The following SGCD variants were observed in gnomAD, a reference collection of about 807,000 sequenced individuals.
SGCD encodes the protein delta-sarcoglycan.
A neutral mutation model predicts 36.6 loss-of-function variants in SGCD; 18 were observed. That is an observed-to-expected ratio of 0.49 (90% CI 0.34 to 0.73). SGCD has a LOEUF of 0.73. SGCD is among the 30% of genes least tolerant of loss of function. The pLI is 0.01. For missense variants in SGCD, 387 were observed against 346.7 expected (o/e 1.12, Z -0.92); for synonymous variants, 133 against 130.6 (o/e 1.02, Z -0.12).
At chr5:156,237,999 T>C (rs249894) in intron 3 of SGCD, among the ~76,000 whole-genome samples, 1 of 151,214 alleles carries the variant, frequency 6.6e-6, no homozygotes, top group East Asian at 2.0e-4. Flanking sequence ...CCAGGCTGTA[T>C]TGCAGTGGTG....
the SGCD span, among the ~76,000 whole-genome samples, chr5:155,767,712 A>C: frequency 6.6e-6 from 1 of 152,154 alleles, no homozygotes; most frequent in Non-Finnish European, 1.5e-5. Flanking sequence ...GTCCTGGTAC[A>C]CTGCCTTCAT....
intron 3 of SGCD, among the ~76,000 whole-genome samples, chr5:156,171,962 T>C (rs1259753362): frequency 6.6e-6 from 1 of 151,966 alleles, no homozygotes; most frequent in African/African-American, 2.4e-5. Flanking sequence ...GTGAGGAAAC[T>C]AAGGTTAGAG....
chr5:155,907,508 C>A (rs1350196880), intron 1 of SGCD, among the ~76,000 whole-genome samples: 1 of 151,996 alleles, frequency 6.6e-6, no homozygotes, highest in African/African-American at 2.4e-5. Flanking sequence ...GTCAAAATAG[C>A]AATGTTAGTA....
the SGCD span, among the ~76,000 whole-genome samples, chr5:155,738,499 A>T: frequency 6.6e-6 from 1 of 152,184 alleles, no homozygotes; most frequent in African/African-American, 2.4e-5. Context: ...GTATGCTTCC[A>T]TTGAGCTGCC....
At chr5:156,389,947 G>GCAT (rs1189589417) in intron 3 of SGCD, among the ~76,000 whole-genome samples, 7 of 152,090 alleles carry the variant, frequency 4.6e-5, no homozygotes, top group African/African-American at 1.7e-4. Flanking sequence ...ATTGATAATG[G>GCAT]GGGTTCGATA....
rs145373924 is a variant in SGCD at position 156,363,936 on chromosome 5, G to A, written c.192+19259G>A. 1.6e-4 allele frequency among the ~76,000 whole-genome samples: 25 copies of A among 152,260 alleles called. No individual in the cohort carries two copies. In the East Asian group the frequency reaches 4.6e-3, roughly 28 times the overall value. On this transcript the variant is annotated intron_variant, in intron 3 of 8. Coordinates refer to ENST00000337851, the MANE Select transcript of SGCD (RefSeq NM_000337.6). Reference sequence around the variant, plus strand: ...ACTACCTGTCACATTGGCCTGACGGGAGTCACATGCCCAGGTCTGGACGAA... The same window carrying A: ...ACTACCTGTCACATTGGCCTGACGGAAGTCACATGCCCAGGTCTGGACGAA...
At chr5:156,308,973 A>C (rs1767313562) in intron 3 of SGCD, among the ~76,000 whole-genome samples, 1 of 152,144 alleles carries the variant, frequency 6.6e-6, no homozygotes, top group African/African-American at 2.4e-5. Flanking sequence ...AGCACTTTGA[A>C]TGTATCCGCC....
chr5:156,589,443 G>A (rs939625384), intron 5 of SGCD, 125 bp downstream of exon 5: 1 of 603,188 alleles, frequency 1.7e-6, no homozygotes, highest in Non-Finnish European at 3.0e-6. Flanking sequence ...TTGAGAAAGA[G>A]AATGTAGCAT....
At chr5:156,350,941 C>G (rs1292900486) in intron 3 of SGCD, among the ~76,000 whole-genome samples, 1 of 152,124 alleles carries the variant, frequency 6.6e-6, no homozygotes, top group Admixed American at 6.5e-5. Flanking sequence ...GTTTGACTTC[C>G]TGTCTCAACC....
intron 7 of SGCD, among the ~76,000 whole-genome samples, chr5:156,711,160 C>T (rs1239451680): frequency 6.6e-6 from 1 of 152,094 alleles, no homozygotes; most frequent in Non-Finnish European, 1.5e-5. Flanking sequence ...ATGGCCTGAA[C>T]CAGTGTTTCA....
chr5:156,339,223 T>G (rs932669721), intron 2 of SGCD, among the ~76,000 whole-genome samples: 1 of 152,248 alleles, frequency 6.6e-6, no homozygotes, highest in African/African-American at 2.4e-5. Context: ...AAAGTTTTAC[T>G]GTATTCACTC....
intron 3 of SGCD, among the ~76,000 whole-genome samples, chr5:156,435,157 G>A (rs549674131): frequency 1.3e-5 from 2 of 152,278 alleles, no homozygotes; most frequent in African/African-American, 4.8e-5. Flanking sequence ...TGTAGGAATA[G>A]AAACAGTTCT....
chr5:156,506,032 T>G (rs993799152), intron 3 of SGCD, among the ~76,000 whole-genome samples: 3 of 152,194 alleles, frequency 2.0e-5, no homozygotes, highest in African/African-American at 7.2e-5. Context: ...AAGGAATTAT[T>G]TCAAGTGACT....
the SGCD span, among the ~76,000 whole-genome samples, chr5:155,838,974 T>G: frequency 2.0e-5 from 3 of 152,262 alleles, no homozygotes; most frequent in African/African-American, 7.2e-5. Flanking sequence ...TCTGTTGCTG[T>G]TTTTCTGAAT....
At chr5:156,082,335 C>G (rs761197164) in intron 1 of SGCD, among the ~76,000 whole-genome samples, 11 of 151,988 alleles carry the variant, frequency 7.2e-5, no homozygotes, top group Admixed American at 1.3e-4. Flanking sequence ...TTCCTCAGTT[C>G]TGTATGTCAA....
chr5:156,036,551 A>G (rs1427138910), intron 1 of SGCD, among the ~76,000 whole-genome samples: 1 of 152,204 alleles, frequency 6.6e-6, no homozygotes, highest in African/African-American at 2.4e-5. Flanking sequence ...CAACTCAGAG[A>G]CATACGTTAA....
At chr5:156,163,019 G>C (rs1475128026) in intron 3 of SGCD, among the ~76,000 whole-genome samples, 9 of 151,418 alleles carry the variant, frequency 5.9e-5, no homozygotes, top group African/African-American at 2.2e-4. Context: ...GGTGGGTATT[G>C]GGATGGCAAT....
At chr5:156,707,341 G>A (rs1754787237) in intron 7 of SGCD, among the ~76,000 whole-genome samples, 1 of 152,050 alleles carries the variant, frequency 6.6e-6, no homozygotes, top group South Asian at 2.1e-4. Context: ...TATCTCTTTA[G>A]ACTGACATCT....
Position 156,766,986 on chromosome 5 carries a change from A to G in SGCD, c.*7596A>G, listed in dbSNP as rs80115276. 3,126 of 151,996 alleles carry G rather than the reference A, an allele frequency of 0.021. 90 individuals carry two copies. Among genetic ancestry groups the G allele is most frequent in the African/African-American group, 0.07 (2,887 of 41,436 alleles). 9.4% of individuals were successfully genotyped at this position (151,996 alleles called of 1,614,324 possible). On this transcript the variant is annotated 3_prime_UTR_variant, in exon 9 of 9. Coordinates refer to ENST00000337851, the MANE Select transcript of SGCD (RefSeq NM_000337.6). ...GTGCCAGTGCTTTCCTGGTTCAACA[A>G]CCCACCACAAAACCTTAGTAAAAGG...
Sources: gnomAD v4.1 joint callset for allele counts (sites outside exome capture counted in the v4.1 genomes callset) on GRCh38, gnomAD v4.1.1 for gene constraint, MANE v1.5 for transcripts, NCBI Gene and HGNC (gene_info 2026-07-23, HGNC 2026-07-21) for gene names.